CCDC179: variants seen among roughly 807,000 people sequenced by gnomAD.
CCDC179 encodes the protein coiled-coil domain-containing protein 179.
CCDC179 carries 17 observed loss-of-function variants against 12.0 expected under a neutral mutation model. The ratio of observed to expected loss-of-function variants is 1.42; its 90% CI spans 0.97 to 2.13. CCDC179 has a LOEUF of 2.13. CCDC179 is among the 30% of genes most tolerant of loss of function. CCDC179 has a pLI of 0.00. For synonymous variants in CCDC179, 27 were observed against 26.4 expected (o/e 1.02, Z -0.07); for missense variants, 83 against 78.6 (o/e 1.06, Z -0.21).
At chr11:22,858,111 C>A in intron 2 of CCDC179, 85 bp from the exon 3 acceptor site, 2 of 847,800 alleles carry the variant, frequency 2.4e-6, no homozygotes, top group African/African-American at 1.8e-5. Context: ...TGGTTTGTGT[C>A]AATAAAAAAG....
rs1339044642 is a variant in CCDC179 at position 22,857,920 on chromosome 11, A to G, written c.195+2T>C. On this transcript the variant is annotated splice_donor_variant, in intron 3 of 3. Coordinates refer to ENST00000532798, the MANE Select transcript of CCDC179 (RefSeq NM_001195637.2). LOFTEE classifies it high-confidence loss of function. ...TAATTTCAGTGAAACCTCTATACTT[A>G]CTAGGAGTCCTGGTTCTGGAATAGG... 3 of 1,456,822 alleles carry G rather than the reference A, an allele frequency of 2.1e-6. No homozygotes were observed. The highest frequency in any genetic ancestry group is 4.4e-5 in the Admixed American group (2 of 45,904). 90.2% of individuals were successfully genotyped at this position (1,456,822 alleles called of 1,614,324 possible).
At chr11:22,857,201 A>T (rs909070145) in intron 3 of CCDC179, among the ~76,000 whole-genome samples, 1 of 151,818 alleles carries the variant, frequency 6.6e-6, no homozygotes, top group Non-Finnish European at 1.5e-5. Flanking sequence ...GAAAAGTTCC[A>T]GAAAAGCCAA....
At chr11:22,858,296 C>T (rs1295644762) in intron 2 of CCDC179, 3 of 237,672 alleles carry the variant, frequency 1.3e-5, no homozygotes, top group African/African-American at 6.7e-5. Flanking sequence ...TAAGTAGATC[C>T]AGACTCATGG....
chr11:22,850,974 A>ATTTTTTTTTTT (rs1564915186), intron 3 of CCDC179, among the ~76,000 whole-genome samples: 1 of 6,532 alleles, frequency 1.5e-4, no homozygotes, highest in Non-Finnish European at 4.4e-4. Flanking sequence ...ATATATATAT[A>ATTTTTTTTTTT]TATTTTTTTT....
At chr11:22,851,538 T>C (rs1242249376) in intron 3 of CCDC179, among the ~76,000 whole-genome samples, 1 of 152,188 alleles carries the variant, frequency 6.6e-6, no homozygotes, top group Non-Finnish European at 1.5e-5. Context: ...AGTGGAGCTT[T>C]CCAGCCTGAC....
chr11:22,854,074 G>A (rs1056166782), intron 3 of CCDC179, among the ~76,000 whole-genome samples: 1 of 151,848 alleles, frequency 6.6e-6, no homozygotes, highest in Non-Finnish European at 1.5e-5. Context: ...AAAAAGAGCA[G>A]AAACCTAGGA....
intron 3 of CCDC179, among the ~76,000 whole-genome samples, chr11:22,852,657 A>G (rs1858435532): frequency 1.3e-5 from 2 of 152,158 alleles, no homozygotes; most frequent in Non-Finnish European, 2.9e-5. Flanking sequence ...TTCATTCCCA[A>G]CCAACCAGCA....
chr11:22,852,472 CT>C lies in CCDC179; in HGVS notation c.196-4952del, dbSNP rs139962417. Among the ~76,000 whole-genome samples the C allele has an allele frequency of 2.9e-3, 447 of 152,332 alleles. 18 individuals are homozygous for C. In the East Asian group the frequency reaches 0.069, roughly 24 times the overall value. On this transcript the variant is annotated intron_variant, in intron 3 of 3. Transcript: ENST00000532798. ...GAGGTCACAAGATTTGCAACTTCCC[CT>C]ATTCACTATTGTAGAAACTAGGATT...
intron 3 of CCDC179, among the ~76,000 whole-genome samples, chr11:22,854,751 T>G (rs1205100443): frequency 6.6e-6 from 1 of 151,736 alleles, no homozygotes; most frequent in Non-Finnish European, 1.5e-5. Context: ...AATAATCACT[T>G]CAGATGTCAA....
At chr11:22,860,343 G>A (rs1858632949) in intron 1 of CCDC179, 34 bp downstream of exon 1, 1 of 1,533,682 alleles carries the variant, frequency 6.5e-7, no homozygotes, top group Admixed American at 2.0e-5. Context: ...GGACAGAGTG[G>A]CAGAGTTGAG....
intron 2 of CCDC179, 105 bp from the exon 3 acceptor site, chr11:22,858,131 A>G: frequency 3.4e-6 from 2 of 594,740 alleles, no homozygotes; most frequent in Non-Finnish European, 5.6e-6. Context: ...GGTAAACACC[A>G]CCACTGCAAA....
Position 22,847,016 on chromosome 11 carries a change from A to G in CCDC179, c.*494T>C, listed in dbSNP as rs1858237422. ...TTTACCTTAAATGGAAATTTTAATT[A>G]CACTATGGCTTATCTGCAATAGCAA... is the stretch of plus-strand genomic sequence containing the variant. On this transcript the variant is annotated 3_prime_UTR_variant, in exon 4 of 4. Coordinates refer to ENST00000532798, the MANE Select transcript of CCDC179 (RefSeq NM_001195637.2). The G allele has an allele frequency of 6.6e-6, 1 of 152,156 alleles. No individual in the cohort carries two copies. The allele number at this position is 152,156 out of a possible 1,614,324, so 9.4% of individuals were successfully genotyped here. A position where few individuals can be genotyped will look rare whatever the true frequency, so the allele number is the denominator to read the frequency against.
intron 3 of CCDC179, among the ~76,000 whole-genome samples, 153 bp from the exon 4 acceptor site, chr11:22,847,674 A>G (rs1205856471): frequency 6.6e-6 from 1 of 152,156 alleles, no homozygotes; most frequent in Admixed American, 6.5e-5. Flanking sequence ...ATAGCTAGGA[A>G]TGCTATTTTA....
Position 22,847,267 on chromosome 11 carries a change from T to C in CCDC179, c.*243A>G, listed in dbSNP as rs1407914204. 5 of 338,314 alleles carry C rather than the reference T, an allele frequency of 1.5e-5. No homozygotes were observed. Among genetic ancestry groups the C allele is most frequent in the African/African-American group, 1.1e-4 (5 of 47,058 alleles). 21.0% of individuals were successfully genotyped at this position (338,314 alleles called of 1,614,324 possible). A position where few individuals can be genotyped will look rare whatever the true frequency, so the allele number is the denominator to read the frequency against. ...ACCTATACATATTCATTATTATTTGTTGAAAAGCAGCAAATTTCAAGTTTA... is the reference window on the plus strand; with the variant it reads ...ACCTATACATATTCATTATTATTTGCTGAAAAGCAGCAAATTTCAAGTTTA... On this transcript the variant is annotated 3_prime_UTR_variant, in exon 4 of 4. Coordinates refer to ENST00000532798, the MANE Select transcript of CCDC179 (RefSeq NM_001195637.2).
chr11:22,855,901 G>A (rs1158702901), intron 3 of CCDC179, among the ~76,000 whole-genome samples: 1 of 151,134 alleles, frequency 6.6e-6, no homozygotes, highest in Non-Finnish European at 1.5e-5. Flanking sequence ...ATAACCAATA[G>A]CTCTATGCTC....
At chr11:22,853,650 T>A (rs1858466748) in intron 3 of CCDC179, among the ~76,000 whole-genome samples, 1 of 116,040 alleles carries the variant, frequency 8.6e-6, no homozygotes, top group African/African-American at 3.1e-5. Flanking sequence ...TATGTACAAT[T>A]GGAAAAAAAA....
chr11:22,853,215 A>G (rs912317468), intron 3 of CCDC179, among the ~76,000 whole-genome samples: 21 of 152,206 alleles, frequency 1.4e-4, no homozygotes, highest in Non-Finnish European at 2.2e-4. Context: ...CCAGCTTTCA[A>G]TAAAGAACTA....
At chr11:22,848,483 A>G (rs1021817921) in intron 3 of CCDC179, among the ~76,000 whole-genome samples, 1 of 152,176 alleles carries the variant, frequency 6.6e-6, no homozygotes, top group Non-Finnish European at 1.5e-5. Flanking sequence ...AAATAAAAAC[A>G]AAAATATTTT....
intron 3 of CCDC179, among the ~76,000 whole-genome samples, chr11:22,851,277 A>G (rs1367576320): frequency 6.6e-6 from 1 of 151,852 alleles, no homozygotes; most frequent in Non-Finnish European, 1.5e-5. Context: ...ATTATGCAAA[A>G]ACAAATGGTA....
Sources: gnomAD v4.1 joint callset for allele counts (sites outside exome capture counted in the v4.1 genomes callset) on GRCh38, gnomAD v4.1.1 for gene constraint, MANE v1.5 for transcripts, NCBI Gene and HGNC (gene_info 2026-07-23, HGNC 2026-07-21) for gene names.